Variants in GAS2 observed in about 807,000 individuals in gnomAD.
The protein encoded by GAS2 is growth arrest specific 2.
GAS2 carries 20 observed loss-of-function variants against 37.5 expected under a neutral mutation model. The ratio of observed to expected loss-of-function variants is 0.53; its 90% CI spans 0.37 to 0.77. GAS2 has a LOEUF of 0.77. Among genes scored for constraint, GAS2 ranks in the 30% least tolerant of loss-of-function variants. The pLI, the probability that GAS2 is intolerant of heterozygous loss-of-function variation, is 0.00. For missense variants in GAS2, 336 were observed against 373.4 expected, an observed-to-expected ratio of 0.90 and a Z score of 0.82; for synonymous variants, 144 against 132.2, an observed-to-expected ratio of 1.09 and a Z score of -0.61.
intron 4 of GAS2, among the ~76,000 whole-genome samples, chr11:22,734,800 C>G (rs1343443403): frequency 6.6e-6 from 1 of 151,694 alleles, no homozygotes; most frequent in Non-Finnish European, 1.5e-5. Context: ...TGCTCATACT[C>G]ACACCCAGAT....
intron 5 of GAS2, among the ~76,000 whole-genome samples, chr11:22,739,991 G>A (rs1773846696): frequency 2.0e-5 from 3 of 151,872 alleles, no homozygotes; most frequent in African/African-American, 7.3e-5. Context: ...TATTAAATGA[G>A]CACGGTGATT....
At chr11:22,744,744 G>T (rs1399242622) in intron 5 of GAS2, among the ~76,000 whole-genome samples, 1 of 152,010 alleles carries the variant, frequency 6.6e-6, no homozygotes, top group South Asian at 2.1e-4. Flanking sequence ...CTTAAGAAGG[G>T]GAATGAGACA....
intron 7 of GAS2, among the ~76,000 whole-genome samples, chr11:22,789,299 T>C (rs1161950728): frequency 8.1e-4 from 81 of 99,682 alleles, no homozygotes; most frequent in Admixed American, 1.3e-3. Context: ...TATATATATA[T>C]ATATACACAC....
upstream of GAS2, among the ~76,000 whole-genome samples, chr11:22,663,710 T>G (rs143414447): frequency 4.5e-4 from 69 of 152,264 alleles, no homozygotes; most frequent in African/African-American, 1.6e-3. Flanking sequence ...TGATTTATCC[T>G]TGTAGTTTTA....
intron 1 of GAS2, among the ~76,000 whole-genome samples, chr11:22,649,133 T>C (rs1284628209): frequency 6.6e-6 from 1 of 151,842 alleles, no homozygotes; most frequent in Non-Finnish European, 1.5e-5. Flanking sequence ...TGAAGGGTTG[T>C]TGAATTTTGT....
chr11:22,731,540 T>G (rs954097251), intron 4 of GAS2: 1 of 164,520 alleles, frequency 6.1e-6, no homozygotes, highest in African/African-American at 2.4e-5. Flanking sequence ...CTACAAATTT[T>G]TTTTTGTTTT....
chr11:22,729,706 T>C (rs1050886515), intron 4 of GAS2, among the ~76,000 whole-genome samples: 2 of 136,638 alleles, frequency 1.5e-5, no homozygotes, highest in African/African-American at 5.4e-5. Context: ...TAAGGTAGAT[T>C]TTATTCACAT....
intron 7 of GAS2, among the ~76,000 whole-genome samples, chr11:22,809,654 A>ATT (rs34667252): frequency 1.8e-4 from 24 of 131,910 alleles, no homozygotes; most frequent in African/African-American, 5.9e-4. Context: ...TGCCCAGCTA[A>ATT]TTTTTTTTTT....
intron 7 of GAS2, among the ~76,000 whole-genome samples, chr11:22,768,097 G>A (rs1440066914): frequency 6.6e-6 from 1 of 152,144 alleles, no homozygotes; most frequent in East Asian, 1.9e-4. Flanking sequence ...TGAAGGCTGG[G>A]TGTACAGTGT....
At chr11:22,689,402 C>T (rs1850124224) in intron 3 of GAS2, among the ~76,000 whole-genome samples, 1 of 152,208 alleles carries the variant, frequency 6.6e-6, no homozygotes, top group African/African-American at 2.4e-5. Context: ...TTCTTGGCAG[C>T]ATTTATATAT....
intron 1 of GAS2, among the ~76,000 whole-genome samples, chr11:22,646,456 C>G (rs1848695265): frequency 6.6e-6 from 1 of 152,114 alleles, no homozygotes; most frequent in African/African-American, 2.4e-5. Context: ...TTCTACCATT[C>G]CAAATATTTT....
chr11:22,628,725 C>A (rs371018539), intron 1 of GAS2, among the ~76,000 whole-genome samples: 224 of 152,134 alleles, frequency 1.5e-3, no homozygotes, highest in African/African-American at 5.2e-3. Flanking sequence ...TTTTAGTTCA[C>A]CCTCTAACTG....
chr11:22,743,698 A>G (rs185256324), intron 5 of GAS2, among the ~76,000 whole-genome samples: 2 of 152,174 alleles, frequency 1.3e-5, no homozygotes, highest in Non-Finnish European at 2.9e-5. Context: ...CATCGAAGTT[A>G]AGTGATTTGT....
chr11:22,652,845 C>T lies in GAS2; in HGVS notation c.-20-22005C>T, dbSNP rs140259318. On this transcript the variant is annotated intron_variant, in intron 1 of 5. Transcript: ENST00000528582. ...CTGGCACTCCCTAGTGAGATGAATCCGGTACCTCAGATGGAAATGCAAAAA... is the reference window on the plus strand; with the variant it reads ...CTGGCACTCCCTAGTGAGATGAATCTGGTACCTCAGATGGAAATGCAAAAA... Among the ~76,000 whole-genome samples, 1,219 of 152,228 alleles carry T rather than the reference C, an allele frequency of 8.0e-3. 14 individuals carry two copies. Among genetic ancestry groups the T allele is most frequent in the African/African-American group, 0.024 (1,016 of 41,538 alleles).
At chr11:22,749,040 G>T in intron 5 of GAS2, 80 bp from the exon 6 acceptor site, 1 of 1,301,006 alleles carries the variant, frequency 7.7e-7, no homozygotes, top group South Asian at 1.4e-5. Flanking sequence ...TACTCCCATG[G>T]TGCTCATCAT....
chr11:22,767,829 G>A (rs1008934915), intron 7 of GAS2, among the ~76,000 whole-genome samples: 2 of 152,152 alleles, frequency 1.3e-5, no homozygotes, highest in Non-Finnish European at 2.9e-5. Context: ...GATAAATTAG[G>A]ATTCATTTAT....
intron 7 of GAS2, among the ~76,000 whole-genome samples, chr11:22,793,569 G>A (rs1455112546): frequency 6.6e-6 from 1 of 152,154 alleles, no homozygotes; most frequent in Non-Finnish European, 1.5e-5. Context: ...GCTATGGAAA[G>A]TGTGAAGAGA....
intron 3 of GAS2, among the ~76,000 whole-genome samples, chr11:22,706,069 A>G (rs1303813154): frequency 6.6e-6 from 1 of 152,226 alleles, no homozygotes; most frequent in East Asian, 1.9e-4. Flanking sequence ...GAATCAAGAG[A>G]TGAGACCAAA....
At position 22,747,734 on chromosome 11, in the gene GAS2, G is replaced by T. The variant is rs560968245; in HGVS notation, c.474-1386G>T. Among the ~76,000 whole-genome samples the T allele has an allele frequency of 9.9e-5, 15 of 152,252 alleles. No individual in the cohort carries two copies. In the South Asian group the frequency reaches 2.5e-3, roughly 25 times the overall value. Reference sequence around the variant, plus strand: ...CCATGTGGAGGGCTCCCGGTGGACAGCTTCTTCCCCAGAAGTAGGGTAAAC... The same window carrying T: ...CCATGTGGAGGGCTCCCGGTGGACATCTTCTTCCCCAGAAGTAGGGTAAAC... On this transcript the variant is annotated intron_variant, in intron 5 of 7. Transcript: ENST00000454584.
Sources: gnomAD v4.1 joint callset for allele counts (sites outside exome capture counted in the v4.1 genomes callset) on GRCh38, gnomAD v4.1.1 for gene constraint, MANE v1.5 for transcripts, NCBI Gene and HGNC (gene_info 2026-07-23, HGNC 2026-07-21) for gene names.